Variants in IBTK observed in about 807,000 individuals in gnomAD.
The protein encoded by IBTK is inhibitor of Bruton tyrosine kinase, also known as BTK-binding protein.
A neutral mutation model predicts 154.9 loss-of-function variants in IBTK; 83 were observed. The ratio of observed to expected loss-of-function variants is 0.54; its 90% CI spans 0.45 to 0.64. The LOEUF (loss-of-function observed/expected upper bound fraction) is 0.64, where lower values mean the gene tolerates loss of function less well. Ranked by LOEUF, IBTK falls within the 30% of genes least tolerant of loss-of-function variation. The pLI is 0.00. For missense variants in IBTK, 1,332 were observed against 1,584.6 expected (o/e 0.84, Z 2.71); for synonymous variants, 515 against 536.1 (o/e 0.96, Z 0.54).
chr6:82,221,644 G>A (rs1248732995), intron 8 of IBTK, among the ~76,000 whole-genome samples: 1 of 151,978 alleles, frequency 6.6e-6, no homozygotes, highest in Non-Finnish European at 1.5e-5. Context: ...TTACTATATT[G>A]TATAACTTAA....
At position 82,216,037 on chromosome 6, in the gene IBTK, T is replaced by C. The variant is rs778274021; in HGVS notation, c.1601+39A>G. The C allele has an allele frequency of 4.7e-6, 7 of 1,476,740 alleles. No homozygotes were observed. In the Admixed American group the frequency reaches 8.8e-5, roughly 18 times the overall value. The allele number at this position is 1,476,740 out of a possible 1,614,324, so 91.5% of individuals were successfully genotyped here. On this transcript the variant is annotated intron_variant, in intron 11 of 28. Transcript: ENST00000306270. ...TGAAAACAAGAAAATTCAGTGATTGTTCCTTCTAAAAAATGAAATTTAATA... is the reference window on the plus strand; with the variant it reads ...TGAAAACAAGAAAATTCAGTGATTGCTCCTTCTAAAAAATGAAATTTAATA...
chr6:82,224,784 G>T (rs905691609), intron 6 of IBTK, among the ~76,000 whole-genome samples: 1 of 152,174 alleles, frequency 6.6e-6, no homozygotes, highest in Non-Finnish European at 1.5e-5. Context: ...TTCCTCACTT[G>T]CATGAACCCA....
chr6:82,243,744 C>G (rs1421116839), intron 1 of IBTK, among the ~76,000 whole-genome samples: 1 of 152,150 alleles, frequency 6.6e-6, no homozygotes, highest in African/African-American at 2.4e-5. Context: ...TTTTAAAGCT[C>G]TAAAATCCCA....
At chr6:82,209,566 A>T (rs1769548875) in intron 16 of IBTK, among the ~76,000 whole-genome samples, 1 of 152,188 alleles carries the variant, frequency 6.6e-6, no homozygotes, top group Non-Finnish European at 1.5e-5. Flanking sequence ...TGGGGATAAG[A>T]GAGAGTGGGA....
At chr6:82,213,601 TAAAAG>T (rs1769737856) in intron 12 of IBTK, among the ~76,000 whole-genome samples, 1 of 151,928 alleles carries the variant, frequency 6.6e-6, no homozygotes, top group African/African-American at 2.4e-5. Flanking sequence ...GAAACTGAGG[TAAAAG>T]AAAATTGTCC....
chr6:82,247,322 T>A (rs768291357), intron 1 of IBTK, among the ~76,000 whole-genome samples: 7 of 152,212 alleles, frequency 4.6e-5, no homozygotes, highest in Non-Finnish European at 7.3e-5. Flanking sequence ...GCGTAGCGCA[T>A]CGCCGGGACA....
At chr6:82,193,428 C>CA (rs879696836) in intron 23 of IBTK, among the ~76,000 whole-genome samples, 305 of 139,832 alleles carry the variant, frequency 2.2e-3, no homozygotes, top group East Asian at 0.013. Flanking sequence ...TGTACTTATG[C>CA]AAAAAAAAAA....
intron 2 of IBTK, among the ~76,000 whole-genome samples, chr6:82,239,757 T>C (rs1434453824): frequency 8.8e-6 from 1 of 114,230 alleles, no homozygotes; most frequent in African/African-American, 3.2e-5. Context: ...GCAGCACAGC[T>C]CTCTGAGCCT....
chr6:82,221,596 C>G (rs1012077587), intron 8 of IBTK, among the ~76,000 whole-genome samples: 2 of 151,886 alleles, frequency 1.3e-5, no homozygotes, highest in African/African-American at 4.8e-5. Context: ...CAATGACTGT[C>G]CTCCCTTTTA....
At chr6:82,229,501 C>T (rs1206093378) in intron 4 of IBTK, among the ~76,000 whole-genome samples, 4 of 152,076 alleles carry the variant, frequency 2.6e-5, no homozygotes, top group Admixed American at 6.6e-5. Flanking sequence ...CTTTCTTGTG[C>T]CACAATTCCA....
At chr6:82,175,536 A>G (rs565574645) in intron 26 of IBTK, among the ~76,000 whole-genome samples, 11 of 152,360 alleles carry the variant, frequency 7.2e-5, no homozygotes, top group Non-Finnish European at 1.3e-4. Flanking sequence ...CTTAAAATGA[A>G]CCAAATTTGT....
chr6:82,180,054 A>G (rs148569019), intron 26 of IBTK, among the ~76,000 whole-genome samples: 1 of 152,156 alleles, frequency 6.6e-6, no homozygotes, highest in Admixed American at 6.5e-5. Context: ...TTTGTTCACC[A>G]CTGCAACTCT....
In IBTK at chr6:82,220,720, G is replaced by T. The variant is rs760824781; in HGVS notation, c.1125-7C>A. ...TTTTTTCAAGTTCAACTGTCTAGAT[G>T]AAAAAAAAAAAAATCCTAGATTAAT... is the stretch of plus-strand genomic sequence containing the variant. On this transcript the variant is annotated splice_region_variant and splice_polypyrimidine_tract_variant and intron_variant, in intron 8 of 28. Coordinates refer to ENST00000306270, the MANE Select transcript of IBTK (RefSeq NM_015525.4). 96 of 1,259,680 alleles carry T rather than the reference G, an allele frequency of 7.6e-5. No individual in the cohort carries two copies. The highest frequency in any genetic ancestry group is 9.4e-5 in the Non-Finnish European group (88 of 936,178). 78.0% of individuals were successfully genotyped at this position (1,259,680 alleles called of 1,614,324 possible). A position where few individuals can be genotyped will look rare whatever the true frequency, so the allele number is the denominator to read the frequency against.
chr6:82,199,903 T>C (rs1769136878), intron 21 of IBTK, among the ~76,000 whole-genome samples: 2 of 152,182 alleles, frequency 1.3e-5, no homozygotes, highest in Non-Finnish European at 2.9e-5. Context: ...CTTAGATAAC[T>C]TCATTCTTCA....
intron 23 of IBTK, among the ~76,000 whole-genome samples, chr6:82,194,208 A>T (rs1183092595): frequency 2.0e-5 from 3 of 152,168 alleles, no homozygotes; most frequent in African/African-American, 7.2e-5. Flanking sequence ...AGAAATAACT[A>T]CTGATACTAA....
Position 82,214,533 on chromosome 6 carries a change from T to C in IBTK, c.1898A>G (p.Gln633Arg). Residue 633 changes from glutamine (Q) to arginine (R), a missense_variant, in exon 12 of 29, where the codon CAA (glutamine) becomes CGA (arginine). Gln to Arg is a conservative substitution (Grantham distance 43). Around this residue, in one of 3 missense-constraint regions of IBTK, gnomAD observed 1,134 missense variants for 1,274.7 expected, o/e 0.89. Transcript: ENST00000306270. Reference protein sequence around the residue: ...VHPDMFEYLLQFIYTDTCDFL... With the variant: ...VHPDMFEYLLRFIYTDTCDFL... Reference sequence around the variant, plus strand: ...GTCACAAGTATCTGTGTATATAAATTGTAAAAGGTATTCAAACATGTCAGG... The same window carrying C: ...GTCACAAGTATCTGTGTATATAAATCGTAAAAGGTATTCAAACATGTCAGG... 6.2e-7 allele frequency: 1 copy of C among 1,614,054 alleles called. No homozygotes were observed. Among genetic ancestry groups the C allele is most frequent in the Non-Finnish European group, 8.5e-7 (1 of 1,179,964 alleles).
chr6:82,212,239 GC>G (rs879843768), intron 13 of IBTK, among the ~76,000 whole-genome samples: 1 of 151,966 alleles, frequency 6.6e-6, no homozygotes, highest in Non-Finnish European at 1.5e-5. Flanking sequence ...ACCTGCCTCG[GC>G]CCCCCAAAGT....
In IBTK at chr6:82,171,148, A is replaced by C. The variant is rs1767914661; in HGVS notation, c.*277T>G. On this transcript the variant is annotated 3_prime_UTR_variant, in exon 29 of 29. Transcript: ENST00000306270. ...CTTATATCTTATGATTCAATCACTT[A>C]TATTTTCCTTTGTTAGATTATTCAG... 4.9e-6 allele frequency: 1 copy of C among 203,720 alleles called. No individual in the cohort carries two copies. Among genetic ancestry groups the C allele is most frequent in the African/African-American group, 2.3e-5 (1 of 42,910 alleles). The allele number at this position is 203,720 out of a possible 1,614,324, so 12.6% of individuals were successfully genotyped here. A position where few individuals can be genotyped will look rare whatever the true frequency, so the allele number is the denominator to read the frequency against.
Position 82,240,236 on chromosome 6 carries a change from T to G in IBTK, c.251A>C (p.Glu84Ala), listed in dbSNP as rs1156311584. ...KGVDLLVKDK[E>A]SGWTALHRSI... ...TCTGTGCAATGCTGTCCATCCAGAC[T>G]CTTTGTCTTTCACCAACAGATCCAC... The change falls in exon 2 of 29, where the codon GAG becomes GCG. Residue 84 changes from glutamate to alanine, a missense_variant. Glu to Ala is a moderately radical substitution (Grantham distance 107). Transcript: ENST00000306270. 1 of 1,614,116 alleles carries G rather than the reference T, an allele frequency of 6.2e-7. No homozygotes were observed. Among genetic ancestry groups the G allele is most frequent in the African/African-American group, 1.3e-5 (1 of 74,950 alleles).
Sources: gnomAD v4.1 joint callset for allele counts (sites outside exome capture counted in the v4.1 genomes callset) on GRCh38, gnomAD v4.1.1 for gene constraint, gnomAD v4.1.1 regional missense constraint, MANE v1.5 for transcripts, NCBI Gene and HGNC (gene_info 2026-07-23, HGNC 2026-07-21) for gene names.